Variants in CHST9 observed in about 807,000 individuals in gnomAD.
The protein encoded by CHST9 is carbohydrate sulfotransferase 9, also known as GalNAc-4-sulfotransferase 2.
Under a neutral mutation model 44.4 loss-of-function variants are expected in CHST9, and 41 were observed. The observed-to-expected ratio is 0.92, with a 90% CI of 0.72 to 1.20. The LOEUF (loss-of-function observed/expected upper bound fraction) is 1.20, where lower values mean the gene tolerates loss of function less well. CHST9 is among the 50% of genes most tolerant of loss of function. The pLI is 0.00. For missense variants in CHST9, 504 were observed against 516.5 expected (o/e 0.98, Z 0.23); for synonymous variants, 171 against 178.4 (o/e 0.96, Z 0.33).
In CHST9 at chr18:27,011,409, G is replaced by A. The variant is rs182814805; in HGVS notation, c.202+12707C>T. ...CCGTGAGCGGAAGGTAAGGGATGCCGCCCAGGCAGAATAGAAGAGCCAGGG... is the reference window on the plus strand; with the variant it reads ...CCGTGAGCGGAAGGTAAGGGATGCCACCCAGGCAGAATAGAAGAGCCAGGG... On this transcript the variant is annotated intron_variant, in intron 4 of 5. Coordinates refer to ENST00000618847, the MANE Select transcript of CHST9 (RefSeq NM_031422.6). 2.6e-5 allele frequency among the ~76,000 whole-genome samples: 4 copies of A among 152,172 alleles called. No individual in the cohort carries two copies. The East Asian group carries it at 5.8e-4, about 22-fold the overall frequency.
In CHST9 at chr18:26,906,691, G is replaced by A. The variant is rs1432082774; in HGVS notation, c.*9568C>T. The A allele has an allele frequency of 6.6e-6, 1 of 152,098 alleles. No individual in the cohort carries two copies. The highest frequency in any genetic ancestry group is 1.5e-5 in the Non-Finnish European group (1 of 68,038). 9.4% of individuals were successfully genotyped at this position (152,098 alleles called of 1,614,324 possible). On this transcript the variant is annotated 3_prime_UTR_variant, in exon 6 of 6. Coordinates refer to ENST00000618847, the MANE Select transcript of CHST9 (RefSeq NM_031422.6). ...AGTTCTTACTCATGACAAGCCCCAG[G>A]CTCCTAACCATCCTACATAGAATCC...
Position 26,911,997 on chromosome 18 carries a change from GCT to G in CHST9, c.*4260_*4261del, listed in dbSNP as rs2055446196. The G allele has an allele frequency of 6.6e-6, 1 of 152,152 alleles. No individual in the cohort carries two copies. Among genetic ancestry groups the G allele is most frequent in the African/African-American group, 2.4e-5 (1 of 41,424 alleles). The allele number at this position is 152,152 out of a possible 1,614,324, so 9.4% of individuals were successfully genotyped here. ...AGGAAGAAGGGGATAATGCACAGTT[GCT>G]CTGTTTCTAGCAGGAGTGGTTCTCA... is the stretch of plus-strand genomic sequence containing the variant. On this transcript the variant is annotated 3_prime_UTR_variant, in exon 6 of 6. Transcript: ENST00000618847.
At chr18:27,132,991 A>G (rs1226046163) in intron 2 of CHST9, among the ~76,000 whole-genome samples, 2 of 152,214 alleles carry the variant, frequency 1.3e-5, no homozygotes, top group Non-Finnish European at 2.9e-5. Flanking sequence ...CCAGGTACTC[A>G]GCCTATATTC....
intron 5 of CHST9, among the ~76,000 whole-genome samples, chr18:26,942,133 G>A (rs1354041719): frequency 2.0e-5 from 3 of 151,912 alleles, no homozygotes; most frequent in African/African-American, 4.8e-5. Flanking sequence ...TGTTTTTCAA[G>A]AGCCAAATTA....
chr18:26,976,157 A>G (rs1373254442), intron 4 of CHST9, among the ~76,000 whole-genome samples: 3 of 152,038 alleles, frequency 2.0e-5, no homozygotes, highest in African/African-American at 4.8e-5. Flanking sequence ...ACGCTGCCTG[A>G]ATATAAGAAA....
chr18:27,108,058 G>A (rs1213770447), intron 2 of CHST9, among the ~76,000 whole-genome samples: 1 of 152,044 alleles, frequency 6.6e-6, no homozygotes, highest in African/African-American at 2.4e-5. Flanking sequence ...ACTTCCTAAT[G>A]TCAACAATCT....
intron 4 of CHST9, among the ~76,000 whole-genome samples, chr18:26,957,968 C>A (rs1254399917): frequency 2.6e-5 from 4 of 151,870 alleles, no homozygotes; most frequent in African/African-American, 9.7e-5. Flanking sequence ...CTCACTACAA[C>A]CTCCGCCTCC....
At chr18:26,931,554 T>C (rs1023413202) in intron 5 of CHST9, among the ~76,000 whole-genome samples, 4 of 152,252 alleles carry the variant, frequency 2.6e-5, no homozygotes, top group African/African-American at 9.6e-5. Context: ...CTGTGACTCA[T>C]GACCATATTT....
rs73948517 is a variant in CHST9 at position 27,006,138 on chromosome 18, C to T, written c.202+17978G>A. On this transcript the variant is annotated intron_variant, in intron 4 of 5. Transcript: ENST00000618847. ...AAAACTGATTAGCATGAAGTTAAAA[C>T]GATCGGTATGCCACTGGAATTTTCT... Among the ~76,000 whole-genome samples the T allele has an allele frequency of 3.3e-3, 498 of 152,228 alleles. 2 individuals carry two copies. Among genetic ancestry groups the T allele is most frequent in the African/African-American group, 0.011 (469 of 41,560 alleles).
chr18:27,030,954 G>A (rs2057334605), intron 3 of CHST9, among the ~76,000 whole-genome samples: 1 of 152,114 alleles, frequency 6.6e-6, no homozygotes, highest in African/African-American at 2.4e-5. Context: ...TCATTATCAT[G>A]CAATCATCAA....
intron 2 of CHST9, among the ~76,000 whole-genome samples, chr18:27,124,879 TA>T (rs1434751005): frequency 3.3e-5 from 5 of 152,228 alleles, no homozygotes; most frequent in Admixed American, 3.3e-4. Flanking sequence ...TTTCATTGTT[TA>T]CAGTATATTT....
chr18:26,962,066 G>A (rs1644357), intron 4 of CHST9, among the ~76,000 whole-genome samples: 1 of 152,304 alleles, frequency 6.6e-6, no homozygotes, highest in East Asian at 1.9e-4. Context: ...TTCAGATGAA[G>A]AGGGCCAAAG....
At chr18:27,041,986 T>G (rs558274811) in intron 3 of CHST9, among the ~76,000 whole-genome samples, 27 of 152,066 alleles carry the variant, frequency 1.8e-4, no homozygotes, top group Non-Finnish European at 3.2e-4. Flanking sequence ...AAAATAGACT[T>G]CATTAACATA....
intron 2 of CHST9, among the ~76,000 whole-genome samples, chr18:27,050,599 G>C (rs1324566072): frequency 1.3e-5 from 2 of 152,086 alleles, no homozygotes; most frequent in Non-Finnish European, 2.9e-5. Context: ...CATTTAACTG[G>C]CACCTTGATT....
chr18:27,107,909 G>A (rs938464939), intron 2 of CHST9, among the ~76,000 whole-genome samples: 1 of 152,184 alleles, frequency 6.6e-6, no homozygotes, highest in African/African-American at 2.4e-5. Context: ...CCCATCATGT[G>A]CATTTCTGCT....
intron 4 of CHST9, among the ~76,000 whole-genome samples, chr18:26,972,393 T>C (rs1206715703): frequency 3.0e-4 from 28 of 93,740 alleles, no homozygotes; most frequent in African/African-American, 9.7e-4. Flanking sequence ...GAAGAAAAAA[T>C]AGATGGTGAC....
chr18:27,055,156 T>A (rs1555680014), intron 2 of CHST9, among the ~76,000 whole-genome samples: 1 of 152,144 alleles, frequency 6.6e-6, no homozygotes, highest in Non-Finnish European at 1.5e-5. Flanking sequence ...TTATGTCTGA[T>A]GTTTCTTTGG....
chr18:26,986,880 TA>T (rs376669436), intron 4 of CHST9, among the ~76,000 whole-genome samples: 1 of 152,160 alleles, frequency 6.6e-6, no homozygotes. Flanking sequence ...TGTGTACATA[TA>T]AAAATTGAAA....
At chr18:26,961,203 C>T (rs1348673497) in intron 4 of CHST9, among the ~76,000 whole-genome samples, 1 of 152,194 alleles carries the variant, frequency 6.6e-6, no homozygotes, top group Non-Finnish European at 1.5e-5. Flanking sequence ...TGGAAAGGCA[C>T]AACTCCGTGC....
Sources: allele counts gnomAD v4.1 joint callset (sites outside exome capture counted in the v4.1 genomes callset), GRCh38; gene constraint gnomAD v4.1.1; transcripts MANE v1.5; gene names NCBI Gene and HGNC (gene_info 2026-07-23, HGNC 2026-07-21).